The following ACADSB variants were observed in gnomAD, a reference collection of about 807,000 sequenced individuals.
The protein encoded by ACADSB is short/branched chain specific acyl-CoA dehydrogenase, mitochondrial.
ACADSB carries 40 observed loss-of-function variants against 54.1 expected under a neutral mutation model. The observed-to-expected ratio is 0.74, with a 90% confidence interval of 0.57 to 0.96. The LOEUF is 0.96. Ranked by LOEUF, ACADSB falls within the 40% of genes least tolerant of loss-of-function variation. The pLI is 0.00. For missense variants in ACADSB, 530 were observed against 510.4 expected (o/e 1.04, Z -0.37); for synonymous variants, 182 against 182.8 (o/e 1.00, Z 0.03).
intron 1 of ACADSB, among the ~76,000 whole-genome samples, chr10:123,030,442 G>A (rs769800328): frequency 1.5e-4 from 22 of 150,218 alleles, no homozygotes; most frequent in Non-Finnish European, 2.7e-4. Flanking sequence ...CAAGAGAATT[G>A]CTTGAACCTG....
chr10:123,026,241 A>G (rs1850249932), intron 1 of ACADSB, among the ~76,000 whole-genome samples: 3 of 152,230 alleles, frequency 2.0e-5, no homozygotes, highest in South Asian at 4.1e-4. Flanking sequence ...GAAAACATCC[A>G]ATCAGTAGCC....
chr10:123,040,607 C>T lies in ACADSB; in HGVS notation c.445C>T (p.Leu149=), dbSNP rs1850459409. 2 of 1,613,988 alleles carry T rather than the reference C, an allele frequency of 1.2e-6. No homozygotes were observed. Among genetic ancestry groups the T allele is most frequent in the Non-Finnish European group, 1.7e-6 (2 of 1,180,018 alleles). Residue 149 remains leucine, a synonymous_variant, in exon 4 of 11, where the codon CTG becomes TTG. Coordinates refer to ENST00000358776, the MANE Select transcript of ACADSB (RefSeq NM_001609.4). Reference sequence around the variant, plus strand: ...GATCCAGAACACATTAATTAACACACTGATTAGAAAACATGGAACAGAAGA... The same window carrying T: ...GATCCAGAACACATTAATTAACACATTGATTAGAAAACATGGAACAGAAGA... ...CEIQNTLINT[L]IRKHGTEEQK... is the part of the protein sequence containing the mutation.
intron 1 of ACADSB, among the ~76,000 whole-genome samples, chr10:123,016,889 T>C (rs1037352231): frequency 6.6e-6 from 1 of 152,140 alleles, no homozygotes. Flanking sequence ...AGCGGTGTGT[T>C]TTGAGAAGTG....
At chr10:123,045,150 TATATATATA>T (rs1850537452) in intron 7 of ACADSB, among the ~76,000 whole-genome samples, 1 of 12,018 alleles carries the variant, frequency 8.3e-5, no homozygotes, top group African/African-American at 2.3e-4. Context: ...TATATATATA[TATATATATA>T]TATATATATA....
At position 123,054,337 on chromosome 10, in the gene ACADSB, T is replaced by C. The variant is rs1850677009; in HGVS notation, c.*572T>C. The C allele has an allele frequency of 6.5e-6, 1 of 154,486 alleles. No homozygotes were observed. The highest frequency in any genetic ancestry group is 2.4e-5 in the African/African-American group (1 of 41,460). 9.6% of individuals were successfully genotyped at this position (154,486 alleles called of 1,614,324 possible). The stretch of plus-strand genomic sequence containing the variant: ...GCCTGGCTGGGTATTTATATTATCA[T>C]TCTAGTTTCAGAGTATACAGAAGTT... On this transcript the variant is annotated 3_prime_UTR_variant, in exon 11 of 11. Transcript: ENST00000358776.
In ACADSB at chr10:123,053,741, A is replaced by C. The variant is rs1396011276; in HGVS notation, c.1275A>C (p.Ala425=). 1 of 1,613,968 alleles carries C rather than the reference A, an allele frequency of 6.2e-7. No homozygotes were observed. The highest frequency in any genetic ancestry group is 8.5e-7 in the Non-Finnish European group (1 of 1,179,940). The change falls in exon 11 of 11, where the codon GCA becomes GCC. Residue 425 remains alanine, a synonymous_variant. Coordinates refer to ENST00000358776, the MANE Select transcript of ACADSB (RefSeq NM_001609.4). ...CCAACATCCAGTTGAACACCATTGCAAAGCATATCGATGCAGAATACTGAC... is the reference window on the plus strand; with the variant it reads ...CCAACATCCAGTTGAACACCATTGCCAAGCATATCGATGCAGAATACTGAC... ...GASNIQLNTI[A]KHIDAEY is the part of the protein sequence containing the mutation.
In ACADSB at chr10:123,056,348, CA is replaced by C. The variant is rs1240664322; in HGVS notation, c.*2587del. On this transcript the variant is annotated 3_prime_UTR_variant, in exon 11 of 11. Coordinates refer to ENST00000358776, the MANE Select transcript of ACADSB (RefSeq NM_001609.4). Reference sequence around the variant, plus strand: ...GTGGCAAGAGAAAATGAAGAAGAAGCAAAAGTGGAAACCCCTGATAAACCCA... The same window carrying C: ...GTGGCAAGAGAAAATGAAGAAGAAGCAAAGTGGAAACCCCTGATAAACCCA... The C allele has an allele frequency of 4.3e-6, 1 of 230,562 alleles. No individual in the cohort carries two copies. Among genetic ancestry groups the C allele is most frequent in the South Asian group, 6.0e-5 (1 of 16,622 alleles). 14.3% of individuals were successfully genotyped at this position (230,562 alleles called of 1,614,324 possible).
In ACADSB at chr10:123,053,743, A is replaced by G; in HGVS notation, c.1277A>G (p.Lys426Arg). 1 of 1,614,082 alleles carries G rather than the reference A, an allele frequency of 6.2e-7. No individual in the cohort carries two copies. The highest frequency in any genetic ancestry group is 8.5e-7 in the Non-Finnish European group (1 of 1,179,932). Residue 426 changes from lysine to arginine, a missense_variant, in exon 11 of 11, where the codon AAG becomes AGG. Transcript: ENST00000358776. Reference protein sequence around the residue: ...ASNIQLNTIAKHIDAEY With the variant: ...ASNIQLNTIARHIDAEY ...AACATCCAGTTGAACACCATTGCAA[A>G]GCATATCGATGCAGAATACTGACGT...
chr10:123,029,146 A>C (rs1218908029), intron 1 of ACADSB, among the ~76,000 whole-genome samples: 1 of 152,108 alleles, frequency 6.6e-6, no homozygotes, highest in Non-Finnish European at 1.5e-5. Context: ...CAGGAGTTCG[A>C]GATCAGCCTG....
intron 1 of ACADSB, among the ~76,000 whole-genome samples, chr10:123,023,573 T>A (rs1850210987): frequency 6.6e-6 from 1 of 152,212 alleles, no homozygotes; most frequent in African/African-American, 2.4e-5. Context: ...TTACTTTGTA[T>A]GCCCCAATAG....
intron 1 of ACADSB, among the ~76,000 whole-genome samples, chr10:123,016,517 C>T (rs1030162653): frequency 2.6e-5 from 4 of 152,220 alleles, no homozygotes; most frequent in African/African-American, 9.6e-5. Flanking sequence ...ATCTTGTCTA[C>T]CTATTAAGCT....
At chr10:123,031,418 C>A (rs1163173530) in intron 1 of ACADSB, among the ~76,000 whole-genome samples, 1 of 152,176 alleles carries the variant, frequency 6.6e-6, no homozygotes, top group Non-Finnish European at 1.5e-5. Context: ...TTATTCCATT[C>A]AAGTAGCAAT....
At chr10:123,025,388 C>T (rs1005035155) in intron 1 of ACADSB, among the ~76,000 whole-genome samples, 12 of 152,114 alleles carry the variant, frequency 7.9e-5, no homozygotes, top group African/African-American at 2.7e-4. Context: ...CATCTGAGTC[C>T]GGGAGGTCAA....
intron 2 of ACADSB, among the ~76,000 whole-genome samples, chr10:123,036,192 A>G (rs1850395736): frequency 6.6e-6 from 1 of 152,118 alleles, no homozygotes; most frequent in Non-Finnish European, 1.5e-5. Flanking sequence ...GGTTCAAGCA[A>G]TTCTCCTGCC....
At chr10:123,012,913 A>G (rs547403243) in intron 1 of ACADSB, among the ~76,000 whole-genome samples, 2 of 152,296 alleles carry the variant, frequency 1.3e-5, no homozygotes, top group East Asian at 3.9e-4. Flanking sequence ...CTGTTTTGAC[A>G]GGGTGCTGAT....
At chr10:123,050,055 T>C (rs771933171) in intron 8 of ACADSB, among the ~76,000 whole-genome samples, 10 of 152,230 alleles carry the variant, frequency 6.6e-5, no homozygotes, top group Non-Finnish European at 1.5e-4. Context: ...CGTCTCTTTT[T>C]GTACATACGA....
At chr10:123,048,633 C>G (rs1408494029) in intron 8 of ACADSB, among the ~76,000 whole-genome samples, 2 of 152,090 alleles carry the variant, frequency 1.3e-5, no homozygotes, top group African/African-American at 2.4e-5. Flanking sequence ...GGTATACTAA[C>G]AGGTATAATC....
At chr10:123,047,373 C>A in intron 8 of ACADSB, 75 bp downstream of exon 8, 1 of 1,058,430 alleles carries the variant, frequency 9.4e-7, no homozygotes, top group South Asian at 1.3e-5. Context: ...GTGTTGAAAT[C>A]CATGGAGGGA....
intron 1 of ACADSB, among the ~76,000 whole-genome samples, chr10:123,020,211 C>T (rs1298093122): frequency 6.6e-6 from 1 of 152,148 alleles, no homozygotes; most frequent in African/African-American, 2.4e-5. Context: ...ACAAATAGGT[C>T]TCTTTGGGAA....
Sources: allele counts gnomAD v4.1 joint callset (sites outside exome capture counted in the v4.1 genomes callset), GRCh38; gene constraint gnomAD v4.1.1; transcripts MANE v1.5; gene names NCBI Gene and HGNC (gene_info 2026-07-23, HGNC 2026-07-21).